The following MRPL21 variants were observed in gnomAD, a reference collection of about 807,000 sequenced individuals.
MRPL21 encodes the protein large ribosomal subunit protein bL21m.
MRPL21 carries 20 observed loss-of-function variants against 27.3 expected under a neutral mutation model. The observed-to-expected ratio is 0.73, with a 90% CI of 0.52 to 1.06. MRPL21 has a LOEUF of 1.06. Among genes scored for constraint, MRPL21 ranks in the 50% least tolerant of loss-of-function variants. The pLI, the probability that MRPL21 is intolerant of heterozygous loss-of-function variation, is 0.00. For missense variants in MRPL21, 249 were observed against 251.4 expected (o/e 0.99, Z 0.06); for synonymous variants, 98 against 101.5 (o/e 0.97, Z 0.21).
rs1611798 is a variant in MRPL21 at position 68,892,652 on chromosome 11, C to T, written c.553+238G>A. On this transcript the variant is annotated intron_variant, in intron 6 of 6. Transcript: ENST00000362034. ...GAGCGAGGTGGGGTCACGTGCGGAG[C>T]GTGGAGGAGAAGGGGAGCGAGGTGG... The T allele has an allele frequency of 3.9e-5, 36 of 919,592 alleles. 1 individual carries two copies. Among genetic ancestry groups the T allele is most frequent in the Admixed American group, 1.8e-4 (2 of 11,424 alleles). The allele number at this position is 919,592 out of a possible 1,614,324, so 57.0% of individuals were successfully genotyped here.
intron 2 of MRPL21, among the ~76,000 whole-genome samples, chr11:68,898,863 C>T (rs1284188814): frequency 2.0e-5 from 3 of 152,210 alleles, no homozygotes; most frequent in Non-Finnish European, 2.9e-5. Context: ...TCTCAGCTCA[C>T]TGCAACCTCT....
intron 6 of MRPL21, 181 bp downstream of exon 6, chr11:68,892,709 G>A (rs1234569979): frequency 2.0e-6 from 3 of 1,529,598 alleles, no homozygotes; most frequent in African/African-American, 1.4e-5. Context: ...GAGAAGGGGA[G>A]CGAGGCTGGA....
chr11:68,899,433 C>T (rs1857881649), intron 2 of MRPL21, among the ~76,000 whole-genome samples: 1 of 152,214 alleles, frequency 6.6e-6, no homozygotes, highest in African/African-American at 2.4e-5. Flanking sequence ...AGGGGCTCCA[C>T]ACCAATCTGG....
At chr11:68,898,984 C>T (rs1358507379) in intron 2 of MRPL21, among the ~76,000 whole-genome samples, 5 of 152,160 alleles carry the variant, frequency 3.3e-5, no homozygotes, top group African/African-American at 7.2e-5. Flanking sequence ...GATGGGGTTT[C>T]GCCACATTGG....
chr11:68,897,783 G>A, intron 3 of MRPL21, 144 bp downstream of exon 3: 2 of 622,626 alleles, frequency 3.2e-6, no homozygotes, highest in Non-Finnish European at 5.8e-6. Flanking sequence ...TGGTGAAAAT[G>A]GACATGAGTG....
chr11:68,891,946 C>T, intron 6 of MRPL21: 1 of 635,532 alleles, frequency 1.6e-6, no homozygotes, highest in Non-Finnish European at 2.4e-6. Flanking sequence ...TGGGGGATGT[C>T]CTCAGTGCAG....
chr11:68,896,370 C>T, intron 4 of MRPL21, 145 bp downstream of exon 4: 3 of 1,115,342 alleles, frequency 2.7e-6, no homozygotes, highest in East Asian at 2.4e-5. Context: ...TGGGCGCCCC[C>T]CAAAGTCCCT....
chr11:68,902,687 ACC>A (rs1484015846), intron 1 of MRPL21, among the ~76,000 whole-genome samples: 7 of 152,176 alleles, frequency 4.6e-5, no homozygotes, highest in Non-Finnish European at 4.4e-5. Flanking sequence ...TTAGGGGTTC[ACC>A]CTTGGTAGTG....
At chr11:68,901,949 C>T (rs771491781) in intron 1 of MRPL21, among the ~76,000 whole-genome samples, 5 of 152,200 alleles carry the variant, frequency 3.3e-5, no homozygotes, top group African/African-American at 4.8e-5. Flanking sequence ...ACTCTTCTCT[C>T]GCACACTACT....
intron 6 of MRPL21, 57 bp from the exon 7 acceptor site, chr11:68,891,452 C>T (rs1194617749): frequency 8.3e-6 from 13 of 1,561,748 alleles, no homozygotes; most frequent in Non-Finnish European, 1.1e-5. Flanking sequence ...TCATCAGTTA[C>T]AGCAGGGGCT....
chr11:68,903,604 T>A, intron 1 of MRPL21, 119 bp downstream of exon 1: 1 of 1,042,550 alleles, frequency 9.6e-7, no homozygotes, highest in Non-Finnish European at 1.5e-6. Context: ...CGTGCTATAT[T>A]CACCACAAAT....
chr11:68,901,967 CCCA>C (rs1857947635), intron 1 of MRPL21, among the ~76,000 whole-genome samples: 1 of 152,210 alleles, frequency 6.6e-6, no homozygotes, highest in African/African-American at 2.4e-5. Context: ...ACTCAGTCAA[CCCA>C]TTGGCAAATC....
At chr11:68,897,845 T>C (rs1857836187) in intron 3 of MRPL21, 82 bp downstream of exon 3, 3 of 1,021,390 alleles carry the variant, frequency 2.9e-6, no homozygotes, top group Non-Finnish European at 4.6e-6. Flanking sequence ...CCTCGTTCTG[T>C]GGCCTGGTGA....
chr11:68,891,479 C>A, intron 6 of MRPL21, 84 bp from the exon 7 acceptor site: 1 of 1,388,326 alleles, frequency 7.2e-7, no homozygotes, highest in South Asian at 1.2e-5. Flanking sequence ...ACAGCCCTCC[C>A]CAGCCAGCGC....
At chr11:68,894,917 T>C (rs926291379) in intron 4 of MRPL21, among the ~76,000 whole-genome samples, 3 of 152,182 alleles carry the variant, frequency 2.0e-5, no homozygotes, top group Admixed American at 6.5e-5. Context: ...CTTATATTGA[T>C]AATTAAGCAT....
Position 68,898,018 on chromosome 11 carries a change from A to G in MRPL21, c.147-6T>C, listed in dbSNP as rs186072697. 384 of 1,612,240 alleles carry G rather than the reference A, an allele frequency of 2.4e-4. 1 individual carries two copies. The East Asian group carries it at 7.3e-3, about 31-fold the overall frequency. ...GGGATGTTTTAGGAACATATCTGTA[A>G]AACACATTTCGTAGACAAATGTCAC... is the stretch of plus-strand genomic sequence containing the variant. On this transcript the variant is annotated splice_polypyrimidine_tract_variant and splice_region_variant and intron_variant, in intron 2 of 6. Transcript: ENST00000362034.
Position 68,897,960 on chromosome 11 carries a change from G to A in MRPL21, c.199C>T (p.Pro67Ser), listed in dbSNP as rs2154005836. 1 of 1,614,202 alleles carries A rather than the reference G, an allele frequency of 6.2e-7. No individual in the cohort carries two copies. The highest frequency in any genetic ancestry group is 1.1e-5 in the South Asian group (1 of 91,082). ...SSPPWPEVVLPDPVEETRHHA... is the reference protein window; with the variant it reads ...SSPPWPEVVLSDPVEETRHHA... ...TGTCTGGTCTCCTCAACTGGGTCTGGCAGAACAACTTCTGGCCAAGGTGGT... is the reference window on the plus strand; with the variant it reads ...TGTCTGGTCTCCTCAACTGGGTCTGACAGAACAACTTCTGGCCAAGGTGGT... The change falls in exon 3 of 7, where the codon CCA becomes TCA. Residue 67 changes from proline to serine, a missense_variant. Transcript: ENST00000362034.
rs1483894752 is a variant in MRPL21 at position 68,896,328 on chromosome 11, G to GCCTGC, written c.396+182_396+186dup. ...AGGCACCGCCCTCAGAGCAGTGGAA[G>GCCTGC]CCTGCCCTGCCCTTGGACCCCAGCC... On this transcript the variant is annotated intron_variant, in intron 4 of 6. Coordinates refer to ENST00000362034, the MANE Select transcript of MRPL21 (RefSeq NM_181514.2). The GCCTGC allele has an allele frequency of 1.0e-5, 7 of 692,188 alleles. No homozygotes were observed. The African/African-American group carries it at 1.2e-4, about 12-fold the overall frequency. The allele number at this position is 692,188 out of a possible 1,614,324, so 42.9% of individuals were successfully genotyped here. A position where few individuals can be genotyped will look rare whatever the true frequency, so the allele number is the denominator to read the frequency against.
At chr11:68,894,311 CG>C (rs1857731245) in intron 4 of MRPL21, among the ~76,000 whole-genome samples, 1 of 152,164 alleles carries the variant, frequency 6.6e-6, no homozygotes, top group African/African-American at 2.4e-5. Flanking sequence ...CCCAGAGTCT[CG>C]CTCTGTCACC....
Sources: allele counts gnomAD v4.1 joint callset (sites outside exome capture counted in the v4.1 genomes callset), GRCh38; gene constraint gnomAD v4.1.1; transcripts MANE v1.5; gene names NCBI Gene and HGNC (gene_info 2026-07-23, HGNC 2026-07-21).